The following PGAP1 variants were observed in gnomAD, a reference collection of about 807,000 sequenced individuals.
PGAP1 encodes the protein GPI inositol-deacylase.
PGAP1 carries 76 observed loss-of-function variants against 127.0 expected under a neutral mutation model. The observed-to-expected ratio is 0.60, with a 90% confidence interval of 0.50 to 0.72. PGAP1 has a LOEUF of 0.72. Ranked by LOEUF, PGAP1 falls within the 30% of genes least tolerant of loss-of-function variation. PGAP1 has a pLI of 0.00. For missense variants in PGAP1, 982 were observed against 1,071.3 expected, an observed-to-expected ratio of 0.92 and a Z score of 1.16; for synonymous variants, 362 against 366.5, an observed-to-expected ratio of 0.99 and a Z score of 0.14.
chr2:196,837,245 C>T lies in PGAP1; in HGVS notation c.*3989G>A, dbSNP rs1454960026. Reference sequence around the variant, plus strand: ...CTAAACTGAAAACTGAATTTTACCACCTTTTATTTCCCTTGGCCACAAAGG... The same window carrying T: ...CTAAACTGAAAACTGAATTTTACCATCTTTTATTTCCCTTGGCCACAAAGG... On this transcript the variant is annotated 3_prime_UTR_variant, in exon 27 of 27. Coordinates refer to ENST00000354764, the MANE Select transcript of PGAP1 (RefSeq NM_024989.4). 1.3e-5 allele frequency: 2 copies of T among 152,156 alleles called. No homozygotes were observed. Among genetic ancestry groups the T allele is most frequent in the African/African-American group, 4.8e-5 (2 of 41,446 alleles). 9.4% of individuals were successfully genotyped at this position (152,156 alleles called of 1,614,324 possible).
chr2:196,914,529 G>A (rs1702936527), intron 3 of PGAP1, among the ~76,000 whole-genome samples: 1 of 152,130 alleles, frequency 6.6e-6, no homozygotes, highest in Admixed American at 6.5e-5. Context: ...GCTGAGGCAG[G>A]AGAATCACTT....
At chr2:196,872,327 AT>A in intron 18 of PGAP1, 113 bp downstream of exon 18, 1 of 657,404 alleles carries the variant, frequency 1.5e-6, no homozygotes, top group South Asian at 2.4e-5. Flanking sequence ...TTAAATGCCT[AT>A]TTTTTATATG....
At chr2:196,878,627 A>T (rs1020923504) in intron 13 of PGAP1, among the ~76,000 whole-genome samples, 2 of 152,168 alleles carry the variant, frequency 1.3e-5, no homozygotes, top group African/African-American at 4.8e-5. Context: ...ATGATTTCTG[A>T]TACCATTACT....
chr2:196,872,846 T>C (rs1411004175), intron 17 of PGAP1, 114 bp downstream of exon 17: 5 of 610,274 alleles, frequency 8.2e-6, no homozygotes, highest in Non-Finnish European at 1.5e-5. Flanking sequence ...ACATAAAGGA[T>C]ACATACATTT....
At chr2:196,914,709 C>T (rs62185191) in intron 3 of PGAP1, among the ~76,000 whole-genome samples, 107,960 of 151,864 alleles carry the variant, frequency 0.71, 39,268 homozygotes, top group East Asian at 0.92. Context: ...AATTTCTCAA[C>T]TTCCATACAC....
intron 2 of PGAP1, among the ~76,000 whole-genome samples, chr2:196,917,956 G>A (rs553076777): frequency 2.8e-4 from 43 of 152,222 alleles, no homozygotes; most frequent in Non-Finnish European, 5.6e-4. Flanking sequence ...CACCAACAAT[G>A]TATGAGGGTT....
In PGAP1 at chr2:196,848,205, G is replaced by T. The variant is rs1023789964; in HGVS notation, c.1862-168C>A. ...GATTAAAAATAGCTGTAATTCAATG[G>T]TTCTTATATTAGAGTACACATTCAA... On this transcript the variant is annotated intron_variant, in intron 20 of 26. Coordinates refer to ENST00000354764, the MANE Select transcript of PGAP1 (RefSeq NM_024989.4). 6.6e-5 allele frequency among the ~76,000 whole-genome samples: 10 copies of T among 152,002 alleles called. 1 individual carries two copies. The highest frequency in any genetic ancestry group is 2.0e-4 in the Admixed American group (3 of 15,262).
intron 19 of PGAP1, 80 bp downstream of exon 19, chr2:196,870,861 T>A (rs1343356484): frequency 8.1e-7 from 1 of 1,234,808 alleles, no homozygotes; most frequent in African/African-American, 1.5e-5. Context: ...CAGCCCCTTA[T>A]GGAAAAAGTC....
intron 20 of PGAP1, among the ~76,000 whole-genome samples, chr2:196,849,261 A>ATTTT (rs747641877): frequency 2.2e-5 from 3 of 135,980 alleles, no homozygotes; most frequent in African/African-American, 2.7e-5. Context: ...TGTCAGAATA[A>ATTTT]TTTTTTTTTT....
chr2:196,913,089 T>C, intron 3 of PGAP1, 36 bp from the exon 4 acceptor site: 1 of 1,555,062 alleles, frequency 6.4e-7, no homozygotes, highest in Non-Finnish European at 8.7e-7. Flanking sequence ...AATTGCGGCT[T>C]TGTATCATTT....
At chr2:196,902,966 G>C (rs1215532223) in intron 4 of PGAP1, among the ~76,000 whole-genome samples, 1 of 151,720 alleles carries the variant, frequency 6.6e-6, no homozygotes, top group Non-Finnish European at 1.5e-5. Flanking sequence ...GTTACTAAAG[G>C]TATCAATTAA....
intron 12 of PGAP1, among the ~76,000 whole-genome samples, chr2:196,882,902 G>A (rs573731712): frequency 2.6e-5 from 4 of 152,242 alleles, no homozygotes; most frequent in Admixed American, 6.5e-5. Context: ...GAATAGGAGC[G>A]GTGAGAGAGG....
chr2:196,858,244 AC>A (rs1209807634), intron 20 of PGAP1, among the ~76,000 whole-genome samples: 1 of 147,226 alleles, frequency 6.8e-6, no homozygotes, highest in Non-Finnish European at 1.5e-5. Flanking sequence ...TACTAAAAAT[AC>A]AAAAAAATTA....
At chr2:196,881,247 C>G (rs970738370) in intron 12 of PGAP1, among the ~76,000 whole-genome samples, 16 of 152,112 alleles carry the variant, frequency 1.1e-4, no homozygotes, top group African/African-American at 3.9e-4. Context: ...ATATGTAATA[C>G]ATTTTCTTTA....
chr2:196,871,920 T>C (rs1268546963), intron 18 of PGAP1, among the ~76,000 whole-genome samples: 3 of 152,158 alleles, frequency 2.0e-5, no homozygotes, highest in African/African-American at 7.2e-5. Context: ...GTAACTAAAA[T>C]GTTACTCTCA....
chr2:196,854,419 C>A (rs1700812873), intron 20 of PGAP1, among the ~76,000 whole-genome samples: 1 of 151,770 alleles, frequency 6.6e-6, no homozygotes, highest in Non-Finnish European at 1.5e-5. Flanking sequence ...TACATAAATT[C>A]ATAGAAATCA....
Position 196,842,825 on chromosome 2 carries a change from C to T in PGAP1, c.2526G>A (p.Arg842=), listed in dbSNP as rs758268679. The T allele has an allele frequency of 1.2e-5, 17 of 1,409,226 alleles. No homozygotes were observed. In the East Asian group the frequency reaches 3.1e-4, roughly 25 times the overall value. The allele number at this position is 1,409,226 out of a possible 1,614,324, so 87.3% of individuals were successfully genotyped here. The change falls in exon 26 of 27, where the codon AGG becomes AGA. Residue 842 remains arginine, a splice_region_variant and synonymous_variant. Transcript: ENST00000354764. ...PSLIYWLKNL[R]YYFKLNPDPC... ...GATCAGGATTAAGTTTAAAATAATA[C>T]CTATAATATTAAAAAAAGAAACCCA...
chr2:196,925,854 G>A (rs1382096935), intron 1 of PGAP1, among the ~76,000 whole-genome samples: 1 of 152,142 alleles, frequency 6.6e-6, no homozygotes, highest in Non-Finnish European at 1.5e-5. Flanking sequence ...ATCTTTCCAA[G>A]AGGGGATCTA....
intron 18 of PGAP1, among the ~76,000 whole-genome samples, 199 bp from the exon 19 acceptor site, chr2:196,871,178 A>G (rs1207390609): frequency 1.3e-5 from 2 of 152,192 alleles, no homozygotes; most frequent in African/African-American, 4.8e-5. Flanking sequence ...ACTGTTTAGT[A>G]TACTTTCCCA....
Sources: gnomAD v4.1 joint callset for allele counts (sites outside exome capture counted in the v4.1 genomes callset) on GRCh38, gnomAD v4.1.1 for gene constraint, MANE v1.5 for transcripts, NCBI Gene and HGNC (gene_info 2026-07-23, HGNC 2026-07-21) for gene names.